Variants in POGZ observed in about 807,000 individuals in gnomAD.
POGZ encodes pogo transposable element derived with ZNF domain.
A neutral mutation model predicts 134.6 loss-of-function variants in POGZ; 17 were observed. That is an observed-to-expected ratio of 0.13 (90% CI 0.09 to 0.19). The LOEUF (loss-of-function observed/expected upper bound fraction) is 0.19, where lower values mean the gene tolerates loss of function less well. POGZ is among the 10% of genes least tolerant of loss of function. The pLI is 1.00. For synonymous variants in POGZ, 693 were observed against 657.1 expected (o/e 1.05, Z -0.84); for missense variants, 1,306 against 1,769.7 (o/e 0.74, Z 4.70).
At chr1:151,421,833 A>G (rs1482184492) in intron 10 of POGZ, among the ~76,000 whole-genome samples, 1 of 152,114 alleles carries the variant, frequency 6.6e-6, no homozygotes, top group African/African-American at 2.4e-5. Flanking sequence ...GCTCACTGCA[A>G]CCTCTACCTC....
intron 9 of POGZ, 97 bp from the exon 10 acceptor site, chr1:151,423,648 C>A: frequency 1.1e-6 from 1 of 909,008 alleles, no homozygotes; most frequent in East Asian, 2.6e-5. Context: ...ATTATCTGCT[C>A]CCCTCCATTC....
rs762841266 is a variant in POGZ, at chr1:151,453,323, T to C, written c.-2+5829A>G. 7.9e-5 allele frequency among the ~76,000 whole-genome samples: 12 copies of C among 152,020 alleles called. 1 individual carries two copies. The highest frequency in any genetic ancestry group is 4.1e-4 in the South Asian group (2 of 4,834). ...ATATCTTAGCTGTGATATTCTGTAC[T>C]GCTACATTCCACCTATCTCTTTGGT... On this transcript the variant is annotated intron_variant, in intron 1 of 18. Transcript: ENST00000271715.
intron 10 of POGZ, among the ~76,000 whole-genome samples, chr1:151,415,735 AG>A (rs1655524276): frequency 1.3e-5 from 2 of 152,172 alleles, no homozygotes; most frequent in South Asian, 4.1e-4. Context: ...TATGGAAAAC[AG>A]GAATAATAAC....
Position 151,429,654 on chromosome 1 carries a change from C to A in POGZ, c.517G>T (p.Val173Leu). The A allele has an allele frequency of 6.2e-7, 1 of 1,613,442 alleles. No individual in the cohort carries two copies. Reference sequence around the variant, plus strand: ...GTTTGGCCTTGCTGTACGTTCAGCACAATCCCAACCTGATTCATTGCATTT... The same window carrying A: ...GTTTGGCCTTGCTGTACGTTCAGCAAAATCCCAACCTGATTCATTGCATTT... ...VQNAMNQVGIVLNVQQGQTVR... is the reference protein window; with the variant it reads ...VQNAMNQVGILLNVQQGQTVR... The change falls in exon 5 of 19, where the codon GTG (valine) becomes TTG (leucine). Residue 173 changes from valine (V) to leucine (L), a missense_variant. By Grantham distance (32) the Val-to-Leu change is conservative. This residue lies in a region of POGZ where 541 missense variants were observed against 680.5 expected (regional missense o/e 0.80). Transcript: ENST00000271715.
intron 1 of POGZ, among the ~76,000 whole-genome samples, chr1:151,444,392 T>C (rs1023567899): frequency 6.6e-6 from 1 of 152,220 alleles, no homozygotes; most frequent in Non-Finnish European, 1.5e-5. Context: ...ACAAAATATA[T>C]TTTCAAAAAC....
Position 151,407,342 on chromosome 1 carries a change from T to C in POGZ, c.2376-51A>G, listed in dbSNP as rs150592542. The C allele has an allele frequency of 9.7e-3, 12,411 of 1,286,034 alleles. 85 individuals carry two copies. Among genetic ancestry groups the C allele is most frequent in the Non-Finnish European group, 0.012 (10,713 of 900,122 alleles). The allele number at this position is 1,286,034 out of a possible 1,614,324, so 79.7% of individuals were successfully genotyped here. On this transcript the variant is annotated intron_variant, in intron 15 of 18. Transcript: ENST00000271715. ...AGTTACGGAGTTCTGCTGGCTAAGC[T>C]AGAGATCACCAGCCAGTGACAATGC...
Position 151,403,803 on chromosome 1 carries a change from C to G in POGZ, c.*999G>C. ...AGCTCCTGGCTGTAGGACCAGTAAT[C>G]CCTTAAACAGGCATGCTCTCCATCT... On this transcript the variant is annotated 3_prime_UTR_variant, in exon 19 of 19. Coordinates refer to ENST00000271715, the MANE Select transcript of POGZ (RefSeq NM_015100.4). The G allele has an allele frequency of 2.0e-6, 2 of 985,514 alleles. No individual in the cohort carries two copies. Among genetic ancestry groups the G allele is most frequent in the African/African-American group, 1.7e-5 (1 of 57,356 alleles). The allele number at this position is 985,514 out of a possible 1,614,324, so 61.0% of individuals were successfully genotyped here. A position where few individuals can be genotyped will look rare whatever the true frequency, so the allele number is the denominator to read the frequency against.
At chr1:151,414,510 C>T (rs935097754) in intron 10 of POGZ, among the ~76,000 whole-genome samples, 5 of 152,342 alleles carry the variant, frequency 3.3e-5, no homozygotes, top group East Asian at 1.9e-4. Flanking sequence ...TGGCTGGGCA[C>T]GGTGGCTCAT....
rs1253694685 is a variant in POGZ at position 151,407,285 on chromosome 1, A to G, written c.2382T>C (p.His794=). The G allele has an allele frequency of 6.2e-7, 1 of 1,608,282 alleles. No homozygotes were observed. Among genetic ancestry groups the G allele is most frequent in the Non-Finnish European group, 8.5e-7 (1 of 1,177,474 alleles). ...AATACTTGGGGCTCTTCCGTGGAAC[A>G]TGATTGCTGAGAAAGACAAAGAAGT... The part of the protein sequence containing the change: ...RAYANHMINN[H]VPRKSPKYLA... Residue 794 remains histidine (H), a synonymous_variant, in exon 16 of 19, where the codon CAT becomes CAC. Transcript: ENST00000271715.
intron 1 of POGZ, among the ~76,000 whole-genome samples, chr1:151,457,923 G>A (rs1662963612): frequency 9.9e-6 from 1 of 101,274 alleles, no homozygotes; most frequent in Non-Finnish European, 2.3e-5. Flanking sequence ...GTGAAACTTC[G>A]TCTCAAAAAA....
intron 3 of POGZ, among the ~76,000 whole-genome samples, chr1:151,438,799 C>A (rs1342296235): frequency 6.6e-6 from 1 of 151,988 alleles, no homozygotes; most frequent in Non-Finnish European, 1.5e-5. Flanking sequence ...GATTGCTGAG[C>A]CACAGAGGTT....
chr1:151,451,917 T>C (rs901541597), intron 1 of POGZ, among the ~76,000 whole-genome samples: 1 of 151,344 alleles, frequency 6.6e-6, no homozygotes, highest in African/African-American at 2.4e-5. Flanking sequence ...ACCAATATGA[T>C]GAAACCCAGT....
At chr1:151,408,669 T>A (rs1235309657) in intron 13 of POGZ, 25 bp downstream of exon 13, 1 of 1,611,038 alleles carries the variant, frequency 6.2e-7, no homozygotes, top group East Asian at 2.2e-5. Context: ...CCTGGGCCTA[T>A]AAAAGACACT....
chr1:151,417,653 C>T (rs1157679124), intron 10 of POGZ, among the ~76,000 whole-genome samples: 7 of 148,998 alleles, frequency 4.7e-5, no homozygotes, highest in South Asian at 2.2e-4. Flanking sequence ...TGAGCCACTG[C>T]GCCGGCCTAT....
chr1:151,435,240 C>G lies in POGZ; in HGVS notation c.284-4399G>C, dbSNP rs191223077. The stretch of plus-strand genomic sequence containing the variant: ...TAAGTTTACTTCCATACCCTTAAAG[C>G]CCAGAAATAGAGGGCTAAATACAAT... On this transcript the variant is annotated intron_variant, in intron 3 of 18. Transcript: ENST00000271715. Among the ~76,000 whole-genome samples, 565 of 152,162 alleles carry G rather than the reference C, an allele frequency of 3.7e-3. 1 individual carries two copies. Among genetic ancestry groups the G allele is most frequent in the Non-Finnish European group, 6.0e-3 (407 of 67,996 alleles).
At chr1:151,430,618 A>T in intron 4 of POGZ, 48 bp downstream of exon 4, 1 of 1,447,366 alleles carries the variant, frequency 6.9e-7, no homozygotes, top group Non-Finnish European at 9.6e-7. Context: ...TCAGAGGTTT[A>T]TAGTCTTTCT....
In POGZ at chr1:151,408,473, G is replaced by A. The variant is rs1476430828; in HGVS notation, c.2170C>T (p.Pro724Ser). 2 of 1,592,834 alleles carry A rather than the reference G, an allele frequency of 1.3e-6. No homozygotes were observed. The highest frequency in any genetic ancestry group is 1.7e-6 in the Non-Finnish European group (2 of 1,174,764). Residue 724 changes from proline (P) to serine (S), a missense_variant, in exon 14 of 19, where the codon CCT (proline) becomes TCT (serine). Pro to Ser is a moderately conservative substitution (Grantham distance 74). Transcript: ENST00000271715. Reference protein sequence around the residue: ...EAAPLTSSMDPLPVFLYPPVQ... With the variant: ...EAAPLTSSMDSLPVFLYPPVQ... ...GGGGGATAAAGGAAGACAGGCAGAG[G>A]GTCCATTGAGGAGGTCAGCGGTGCT...
chr1:151,423,513 T>C lies in POGZ; in HGVS notation c.1562A>G (p.Gln521Arg). 3 of 1,613,932 alleles carry C rather than the reference T, an allele frequency of 1.9e-6. No individual in the cohort carries two copies. The highest frequency in any genetic ancestry group is 2.5e-6 in the Non-Finnish European group (3 of 1,179,790). The change falls in exon 10 of 19, where the codon CAG becomes CGG. Residue 521 changes from glutamine (Q) to arginine (R), a missense_variant. Transcript: ENST00000271715. ...GTGACCATCTACCTCACCGTTCTGC[T>C]GATCGAGTTCTACGTGGTGTTTCAT... ...NHMKHHVELD[Q>R]QNGEVDGHTI...
chr1:151,430,875 GT>G, intron 3 of POGZ, 34 bp from the exon 4 acceptor site: 2 of 1,441,408 alleles, frequency 1.4e-6, no homozygotes, highest in Non-Finnish European at 1.9e-6. Flanking sequence ...AAAAAGGAAT[GT>G]TAGAAACAAT....
Sources: allele counts gnomAD v4.1 joint callset (sites outside exome capture counted in the v4.1 genomes callset), GRCh38; gene constraint gnomAD v4.1.1; regional missense constraint gnomAD v4.1.1; transcripts MANE v1.5; gene names NCBI Gene and HGNC (gene_info 2026-07-23, HGNC 2026-07-21).